The following TEAD1 variants were observed in gnomAD, a reference collection of about 807,000 sequenced individuals.
TEAD1 encodes TEA domain transcription factor 1.
Under a neutral mutation model 54.9 loss-of-function variants are expected in TEAD1, and 9 were observed. The observed-to-expected ratio is 0.16, with a 90% CI of 0.10 to 0.29. The LOEUF (loss-of-function observed/expected upper bound fraction) is 0.29, where lower values mean the gene tolerates loss of function less well. TEAD1 is among the 10% of genes least tolerant of loss of function. TEAD1 has a pLI of 1.00. For missense variants in TEAD1, 387 were observed against 535.9 expected, an observed-to-expected ratio of 0.72 and a Z score of 2.74; for synonymous variants, 200 against 187.8, an observed-to-expected ratio of 1.07 and a Z score of -0.53.
At chr11:12,839,250 A>C (rs990474617) in intron 3 of TEAD1, among the ~76,000 whole-genome samples, 1 of 152,166 alleles carries the variant, frequency 6.6e-6, no homozygotes, top group Non-Finnish European at 1.5e-5. Context: ...GTCTCTACTA[A>C]AAATACAAAA....
intron 2 of TEAD1, among the ~76,000 whole-genome samples, chr11:12,697,596 T>G (rs1943612460): frequency 6.6e-6 from 1 of 152,246 alleles, no homozygotes; most frequent in South Asian, 2.1e-4. Context: ...CATTTTTACT[T>G]GAGGCTCAAT....
intron 2 of TEAD1, among the ~76,000 whole-genome samples, chr11:12,698,743 C>A (rs1389101385): frequency 6.6e-6 from 1 of 152,232 alleles, no homozygotes; most frequent in African/African-American, 2.4e-5. Flanking sequence ...CCATCCCAGA[C>A]CTGCTGAATT....
At chr11:12,877,420 A>T (rs2134090799) in intron 5 of TEAD1, among the ~76,000 whole-genome samples, 1 of 152,346 alleles carries the variant, frequency 6.6e-6, no homozygotes, top group African/African-American at 2.4e-5. Flanking sequence ...TGGGAGGCCA[A>T]GGCGGGTGGA....
At chr11:12,699,152 C>T (rs1387231429) in intron 2 of TEAD1, among the ~76,000 whole-genome samples, 1 of 152,162 alleles carries the variant, frequency 6.6e-6, no homozygotes, top group Non-Finnish European at 1.5e-5. Context: ...TCACTTGTCT[C>T]ATCACTGTAT....
intron 3 of TEAD1, among the ~76,000 whole-genome samples, chr11:12,778,091 C>G (rs886885303): frequency 6.6e-5 from 10 of 152,180 alleles, no homozygotes; most frequent in Admixed American, 2.0e-4. Context: ...AACCTTCTAA[C>G]AAGTCTTATG....
At chr11:12,762,531 G>A (rs1429925174) in intron 2 of TEAD1, among the ~76,000 whole-genome samples, 1 of 152,190 alleles carries the variant, frequency 6.6e-6, no homozygotes, top group Non-Finnish European at 1.5e-5. Context: ...ATGTACATAT[G>A]TTGGTAAGAG....
Position 12,862,233 on chromosome 11 carries a change from ATTC to A in TEAD1, c.203-11_203-9del, listed in dbSNP as rs1947521202. Reference sequence around the variant, plus strand: ...GTTTTGGTAACCCACCTCATGGTAAATTCTTCTTTCTTTCAGGTAGGAATGAAT... The same window carrying A: ...GTTTTGGTAACCCACCTCATGGTAAATTCTTTCTTTCAGGTAGGAATGAAT... On this transcript the variant is annotated splice_polypyrimidine_tract_variant and intron_variant, in intron 3 of 12. Transcript: ENST00000527636. 1 of 1,612,476 alleles carries A rather than the reference ATTC, an allele frequency of 6.2e-7. No homozygotes were observed. The highest frequency in any genetic ancestry group is 8.5e-7 in the Non-Finnish European group (1 of 1,178,698).
intron 10 of TEAD1, 140 bp from the exon 11 acceptor site, chr11:12,924,772 C>T (rs1948879163): frequency 1.9e-6 from 2 of 1,041,550 alleles, no homozygotes; most frequent in Admixed American, 1.7e-5. Context: ...GGGTATTGAA[C>T]TTGTTTCTAG....
At chr11:12,784,711 C>A (rs1168193505) in intron 3 of TEAD1, among the ~76,000 whole-genome samples, 1 of 152,128 alleles carries the variant, frequency 6.6e-6, no homozygotes, top group Non-Finnish European at 1.5e-5. Flanking sequence ...TTCTGTGGCC[C>A]CCTAGGGTGA....
intron 10 of TEAD1, chr11:12,905,016 A>G (rs1216326922): frequency 6.4e-6 from 1 of 155,580 alleles, no homozygotes; most frequent in African/African-American, 2.4e-5. Flanking sequence ...ATTTTAAAGG[A>G]TGTAAAAAGG....
At chr11:12,881,210 CT>C (rs1359738032) in intron 7 of TEAD1, among the ~76,000 whole-genome samples, 159 bp downstream of exon 7, 1 of 152,180 alleles carries the variant, frequency 6.6e-6, no homozygotes, top group African/African-American at 2.4e-5. Flanking sequence ...ACTTAGGCCC[CT>C]GGCAGGAAAG....
At chr11:12,894,100 A>G (rs1176859256) in intron 9 of TEAD1, among the ~76,000 whole-genome samples, 2 of 152,224 alleles carry the variant, frequency 1.3e-5, no homozygotes, top group Admixed American at 1.3e-4. Context: ...GTACATTAGC[A>G]TACCTTGACA....
intron 2 of TEAD1, among the ~76,000 whole-genome samples, chr11:12,705,893 C>T (rs60704160): frequency 0.07 from 10,597 of 152,140 alleles, 1,222 homozygotes; most frequent in African/African-American, 0.24. Context: ...CTGTTGGGTT[C>T]TTAATTGTCT....
intron 2 of TEAD1, among the ~76,000 whole-genome samples, chr11:12,692,074 A>G (rs145805674): frequency 2.6e-4 from 39 of 152,326 alleles, no homozygotes; most frequent in African/African-American, 9.1e-4. Context: ...CTGCGGGCCT[A>G]TAGTAGTAGG....
intron 2 of TEAD1, among the ~76,000 whole-genome samples, chr11:12,713,341 A>C (rs1379580879): frequency 6.6e-6 from 1 of 152,176 alleles, no homozygotes; most frequent in Non-Finnish European, 1.5e-5. Flanking sequence ...ATTTAATGTG[A>C]GGCTCCTCAA....
chr11:12,906,078 T>G (rs1948513136), intron 10 of TEAD1, among the ~76,000 whole-genome samples: 1 of 151,872 alleles, frequency 6.6e-6, no homozygotes, highest in Non-Finnish European at 1.5e-5. Context: ...AATAACAGAG[T>G]CAAGGATGCC....
intron 3 of TEAD1, among the ~76,000 whole-genome samples, chr11:12,800,831 T>C (rs1484064512): frequency 6.6e-6 from 1 of 152,220 alleles, no homozygotes; most frequent in Non-Finnish European, 1.5e-5. Flanking sequence ...GCTAGTCTCA[T>C]AGATTTCTAA....
At chr11:12,735,482 C>G (rs1373516355) in intron 2 of TEAD1, among the ~76,000 whole-genome samples, 1 of 152,002 alleles carries the variant, frequency 6.6e-6, no homozygotes, top group Non-Finnish European at 1.5e-5. Context: ...CCAACCAGAC[C>G]TCTGTGTCAT....
intron 3 of TEAD1, among the ~76,000 whole-genome samples, chr11:12,794,483 G>A (rs1008572283): frequency 7.2e-5 from 11 of 152,220 alleles, no homozygotes; most frequent in Non-Finnish European, 1.5e-4. Context: ...GGGTAATCAA[G>A]GGAGATTTGG....
Sources: gnomAD v4.1 joint callset for allele counts (sites outside exome capture counted in the v4.1 genomes callset) on GRCh38, gnomAD v4.1.1 for gene constraint, MANE v1.5 for transcripts, NCBI Gene and HGNC (gene_info 2026-07-23, HGNC 2026-07-21) for gene names.